Variants in CEP350 observed in about 807,000 individuals in gnomAD.
CEP350 encodes the protein centrosome-associated protein 350.
CEP350 carries 126 observed loss-of-function variants against 331.8 expected under a neutral mutation model. That is an observed-to-expected ratio of 0.38 (90% CI 0.33 to 0.44). CEP350 has a LOEUF of 0.44. CEP350 is among the 20% of genes least tolerant of loss of function. CEP350 has a pLI of 1.00. For synonymous variants in CEP350, 1,200 were observed against 1,259.5 expected, an observed-to-expected ratio of 0.95 and a Z score of 1.00; for missense variants, 3,406 against 3,634.6, an observed-to-expected ratio of 0.94 and a Z score of 1.62.
At chr1:180,058,133 A>C (rs1657972637) in intron 25 of CEP350, among the ~76,000 whole-genome samples, 1 of 152,234 alleles carries the variant, frequency 6.6e-6, no homozygotes, top group African/African-American at 2.4e-5. Context: ...ATCCTAAAAA[A>C]GCTTTCACAT....
chr1:180,000,896 A>G (rs1406291186), intron 6 of CEP350: 1 of 152,246 alleles, frequency 6.6e-6, no homozygotes, highest in East Asian at 1.9e-4. Flanking sequence ...CACTATGTTT[A>G]TAAATTTTTT....
chr1:180,064,239 G>T (rs971670305), intron 26 of CEP350, among the ~76,000 whole-genome samples: 8 of 152,060 alleles, frequency 5.3e-5, no homozygotes, highest in Admixed American at 3.9e-4. Context: ...TGACATTCTT[G>T]TTGGCCTTCT....
At chr1:180,033,469 A>G (rs1656151883) in intron 15 of CEP350, among the ~76,000 whole-genome samples, 1 of 152,140 alleles carries the variant, frequency 6.6e-6, no homozygotes, top group Non-Finnish European at 1.5e-5. Flanking sequence ...ATTCGCTTTC[A>G]GAGATGTATT....
At chr1:180,077,000 T>A (rs1173171265) in intron 28 of CEP350, among the ~76,000 whole-genome samples, 1 of 152,182 alleles carries the variant, frequency 6.6e-6, no homozygotes, top group African/African-American at 2.4e-5. Flanking sequence ...TTTAGCTCTG[T>A]TCAGCATTGT....
At chr1:179,966,569 C>T (rs1383411566) in intron 1 of CEP350, among the ~76,000 whole-genome samples, 1 of 151,960 alleles carries the variant, frequency 6.6e-6, no homozygotes, top group Non-Finnish European at 1.5e-5. Flanking sequence ...CCTAAGCATG[C>T]AAGAAAAATA....
Position 179,992,175 on chromosome 1 carries a change from A to G in CEP350, c.349A>G (p.Lys117Glu). Residue 117 changes from lysine to glutamate, a missense_variant, in exon 5 of 38, where the codon AAG becomes GAG. By Grantham distance (56) the Lys-to-Glu change is moderately conservative. Around this residue, in one of 5 missense-constraint regions of CEP350, gnomAD observed 1,857 missense variants for 1,909.2 expected, o/e 0.97. Transcript: ENST00000367607. ...GGCCACCACCCTGGAGAGTAATGTGAAGAAAAATAATCGTGTGGAATTTCG... is the reference window on the plus strand; with the variant it reads ...GGCCACCACCCTGGAGAGTAATGTGGAGAAAAATAATCGTGTGGAATTTCG... ...LRATTLESNVKKNNRVEFREP... is the reference protein window; with the variant it reads ...LRATTLESNVEKNNRVEFREP... 6.6e-7 allele frequency: 1 copy of G among 1,517,088 alleles called. No homozygotes were observed. Among genetic ancestry groups the G allele is most frequent in the South Asian group, 1.3e-5 (1 of 76,056 alleles). The allele number at this position is 1,517,088 out of a possible 1,614,324, so 94.0% of individuals were successfully genotyped here.
chr1:180,039,380 CG>C (rs923804790), intron 17 of CEP350, among the ~76,000 whole-genome samples: 1 of 152,084 alleles, frequency 6.6e-6, no homozygotes, highest in African/African-American at 2.4e-5. Context: ...CATTCTCTTA[CG>C]TTTTTTTCCA....
chr1:180,096,419 T>C (rs943815637), intron 36 of CEP350, among the ~76,000 whole-genome samples: 28 of 151,414 alleles, frequency 1.8e-4, no homozygotes, highest in African/African-American at 6.5e-4. Flanking sequence ...AAAAAAAAAT[T>C]CTTTTACCAG....
Position 180,075,122 on chromosome 1 carries a change from C to T in CEP350, c.5668C>T (p.Arg1890Cys), listed in dbSNP as rs148196085. 357 of 1,613,504 alleles carry T rather than the reference C, an allele frequency of 2.2e-4. 2 individuals are homozygous for T. In the African/African-American group the frequency reaches 3.7e-3, roughly 17 times the overall value. Reference sequence around the variant, plus strand: ...TTTAGATGCAGAAGAAGCAGAAATTCGTCAAATGGAAAAACAAGCTTTGGC... The same window carrying T: ...TTTAGATGCAGAAGAAGCAGAAATTTGTCAAATGGAAAAACAAGCTTTGGC... ...RRLDAEEAEI[R>C]QMEKQALAAW... Residue 1890 changes from arginine (R) to cysteine (C), a missense_variant, in exon 28 of 38, where the codon CGT becomes TGT. Physicochemically the swap from Arg to Cys is radical, Grantham distance 180. Transcript: ENST00000367607.
At chr1:179,969,835 G>A (rs1182311677) in intron 1 of CEP350, among the ~76,000 whole-genome samples, 1 of 151,992 alleles carries the variant, frequency 6.6e-6, no homozygotes, top group African/African-American at 2.4e-5. Context: ...TCCTATCCTG[G>A]ACCCTCACTT....
Position 180,053,776 on chromosome 1 carries a change from A to T in CEP350, c.5016A>T (p.Gly1672=). ...AACTGAACATGCCATTCTCAGGAGG[A>T]CAAGATAGCTTTTCTAAATTTACTA... ...AKELNMPFSG[G]QDSFSKFTME... is the part of the protein sequence containing the mutation. The change falls in exon 24 of 38, where the codon GGA becomes GGT. Residue 1672 remains glycine (G), a synonymous_variant. Transcript: ENST00000367607. 6.2e-7 allele frequency: 1 copy of T among 1,602,766 alleles called. No homozygotes were observed. Among genetic ancestry groups the T allele is most frequent in the Non-Finnish European group, 8.5e-7 (1 of 1,172,678 alleles).
intron 1 of CEP350, chr1:179,969,213 C>G: frequency 1.9e-6 from 1 of 537,862 alleles, no homozygotes; most frequent in South Asian, 1.6e-5. Context: ...TGTGAACACC[C>G]GTGGGAAGTC....
In CEP350 at chr1:180,015,958, A is replaced by G. The variant is rs781345813; in HGVS notation, c.2162A>G (p.Gln721Arg). Residue 721 changes from glutamine to arginine, a missense_variant, in exon 11 of 38, where the codon CAG becomes CGG. Transcript: ENST00000367607. Reference sequence around the variant, plus strand: ...GACATGTCTCTCTCAGAACCTCCACAGCCTCTTGCAAGGTAAAAAGGGAAG... The same window carrying G: ...GACATGTCTCTCTCAGAACCTCCACGGCCTCTTGCAAGGTAAAAAGGGAAG... Reference protein sequence around the residue: ...SSDMSLSEPPQPLARKDLMES... With the variant: ...SSDMSLSEPPRPLARKDLMES... 3.1e-6 allele frequency: 5 copies of G among 1,613,712 alleles called. No homozygotes were observed. The South Asian group carries it at 5.5e-5, about 18-fold the overall frequency.
intron 1 of CEP350, among the ~76,000 whole-genome samples, chr1:179,977,217 A>G (rs1651938886): frequency 6.6e-6 from 1 of 152,202 alleles, no homozygotes; most frequent in African/African-American, 2.4e-5. Flanking sequence ...GTAATTCCCT[A>G]GAGAAAAGGA....
At chr1:180,096,402 CAAA>C (rs34405391) in intron 36 of CEP350, among the ~76,000 whole-genome samples, 1 of 138,490 alleles carries the variant, frequency 7.2e-6, no homozygotes. Flanking sequence ...CAAGTTTGTG[CAAA>C]AAAAAAAAAA....
At chr1:179,958,975 T>C (rs923673199) in intron 1 of CEP350, among the ~76,000 whole-genome samples, 2 of 152,238 alleles carry the variant, frequency 1.3e-5, no homozygotes, top group African/African-American at 4.8e-5. Context: ...TTTTTTACTT[T>C]AGACATTTTT....
chr1:179,991,317 T>TC (rs1553252494), intron 4 of CEP350, among the ~76,000 whole-genome samples: 3 of 140,314 alleles, frequency 2.1e-5, no homozygotes, highest in Admixed American at 7.0e-5. Context: ...TTCTTTTCTT[T>TC]TTTTTTTTTT....
chr1:180,092,331 G>T lies in CEP350; in HGVS notation c.6509-283G>T, dbSNP rs149740269. Among the ~76,000 whole-genome samples, 8 of 152,286 alleles carry T rather than the reference G, an allele frequency of 5.3e-5. No homozygotes were observed. The East Asian group carries it at 1.5e-3, about 29-fold the overall frequency. ...TTTTGCATGATTTGAGGATGAATGT[G>T]CAAAGCAATGGTTCCATCAACTTAG... is the stretch of plus-strand genomic sequence containing the variant. On this transcript the variant is annotated intron_variant, in intron 33 of 37. Coordinates refer to ENST00000367607, the MANE Select transcript of CEP350 (RefSeq NM_014810.5).
chr1:180,049,543 CTTT>C (rs34061683), intron 22 of CEP350, among the ~76,000 whole-genome samples: 8 of 130,118 alleles, frequency 6.1e-5, no homozygotes, highest in Admixed American at 1.5e-4. Context: ...TTACTTACAC[CTTT>C]TTTTTTTTTT....
Sources: gnomAD v4.1 joint callset for allele counts (sites outside exome capture counted in the v4.1 genomes callset) on GRCh38, gnomAD v4.1.1 for gene constraint, gnomAD v4.1.1 regional missense constraint, MANE v1.5 for transcripts, NCBI Gene and HGNC (gene_info 2026-07-23, HGNC 2026-07-21) for gene names.